EXOC4: variants seen among roughly 807,000 people sequenced by gnomAD.
EXOC4 encodes the protein exocyst complex component 4.
A neutral mutation model predicts 107.2 loss-of-function variants in EXOC4; 71 were observed. The observed-to-expected ratio is 0.66, with a 90% CI of 0.55 to 0.81. The LOEUF is 0.81. EXOC4 is among the 30% of genes least tolerant of loss of function. The pLI is 0.00. For synonymous variants in EXOC4, 456 were observed against 441.2 expected, an observed-to-expected ratio of 1.03 and a Z score of -0.42; for missense variants, 1,108 against 1,189.6, an observed-to-expected ratio of 0.93 and a Z score of 1.01.
At chr7:133,355,945 T>C (rs1312926815) in intron 5 of EXOC4, among the ~76,000 whole-genome samples, 1 of 152,180 alleles carries the variant, frequency 6.6e-6, no homozygotes, top group African/African-American at 2.4e-5. Flanking sequence ...AACTAACAAA[T>C]ACAAACCTGA....
chr7:133,661,167 G>T (rs1803430829), intron 10 of EXOC4, among the ~76,000 whole-genome samples: 1 of 152,092 alleles, frequency 6.6e-6, no homozygotes, highest in Non-Finnish European at 1.5e-5. Context: ...GGTAAAGGAT[G>T]GGAACCTACC....
intron 11 of EXOC4, among the ~76,000 whole-genome samples, chr7:133,874,245 G>A (rs1313961165): frequency 6.6e-6 from 1 of 152,184 alleles, no homozygotes; most frequent in Non-Finnish European, 1.5e-5. Flanking sequence ...TCTCCTGTTG[G>A]CTAGCTATTT....
chr7:133,597,110 G>A (rs1308803176), intron 9 of EXOC4, among the ~76,000 whole-genome samples: 1 of 152,124 alleles, frequency 6.6e-6, no homozygotes, highest in Non-Finnish European at 1.5e-5. Flanking sequence ...CATGTCACTG[G>A]AGCAGCCCCC....
At position 133,423,316 on chromosome 7, in the gene EXOC4, T is replaced by C. The variant is rs182531808; in HGVS notation, c.1182+48314T>C. 1.7e-3 allele frequency among the ~76,000 whole-genome samples: 255 copies of C among 152,306 alleles called. 1 individual carries two copies. Among genetic ancestry groups the C allele is most frequent in the African/African-American group, 5.7e-3 (237 of 41,544 alleles). The stretch of plus-strand genomic sequence containing the variant: ...TTCTTTGTGAGAATTCTTCTAGAGA[T>C]TAATTCTAGAATTCTTCTAGAGACT... On this transcript the variant is annotated intron_variant, in intron 7 of 17. Coordinates refer to ENST00000253861, the MANE Select transcript of EXOC4 (RefSeq NM_021807.4).
At chr7:133,652,667 G>T (rs1302062601) in intron 10 of EXOC4, among the ~76,000 whole-genome samples, 1 of 152,146 alleles carries the variant, frequency 6.6e-6, no homozygotes, top group Non-Finnish European at 1.5e-5. Flanking sequence ...GGGTGGCTGG[G>T]AAGAGAGAAG....
chr7:133,348,657 A>C (rs924432169), intron 5 of EXOC4, among the ~76,000 whole-genome samples: 1 of 152,152 alleles, frequency 6.6e-6, no homozygotes, highest in African/African-American at 2.4e-5. Context: ...GTCCCCAAAC[A>C]TGCTGAATTT....
chr7:133,879,542 C>A (rs1798920726), intron 11 of EXOC4, among the ~76,000 whole-genome samples: 1 of 152,036 alleles, frequency 6.6e-6, no homozygotes, highest in Non-Finnish European at 1.5e-5. Context: ...ATTTCAAAGA[C>A]AATTTTGTTT....
chr7:133,866,397 T>C (rs1407916581), intron 11 of EXOC4, among the ~76,000 whole-genome samples: 1 of 152,054 alleles, frequency 6.6e-6, no homozygotes, highest in East Asian at 1.9e-4. Flanking sequence ...TATGAGATGT[T>C]TGGGGGCAGG....
rs147935448 is a variant in EXOC4, at chr7:134,004,978, G to A, written c.2415G>A (p.Val805=). ...KEGNYAIVAN[V]ESMDYDPLVV... The stretch of plus-strand genomic sequence containing the variant: ...GGAACTATGCCATTGTGGCTAATGT[G>A]GAAAGTATGGATTATGACCCCCTGG... Residue 805 remains valine, a synonymous_variant, in exon 16 of 18, where the codon GTG becomes GTA. Coordinates refer to ENST00000253861, the MANE Select transcript of EXOC4 (RefSeq NM_021807.4). 1 of 1,613,454 alleles carries A rather than the reference G, an allele frequency of 6.2e-7. No individual in the cohort carries two copies. The highest frequency in any genetic ancestry group is 1.3e-5 in the African/African-American group (1 of 74,870).
intron 7 of EXOC4, among the ~76,000 whole-genome samples, chr7:133,393,722 C>G (rs1204349320): frequency 6.6e-6 from 1 of 152,178 alleles, no homozygotes; most frequent in Admixed American, 6.5e-5. Flanking sequence ...GGGTCCTCAC[C>G]AGACATTAAA....
At chr7:133,469,308 C>T (rs967484178) in intron 7 of EXOC4, among the ~76,000 whole-genome samples, 2 of 151,990 alleles carry the variant, frequency 1.3e-5, no homozygotes, top group African/African-American at 4.8e-5. Flanking sequence ...CCCTGCCACT[C>T]GGGAGAGTGA....
At chr7:133,530,122 G>T (rs555396490) in intron 9 of EXOC4, among the ~76,000 whole-genome samples, 9 of 152,298 alleles carry the variant, frequency 5.9e-5, no homozygotes, top group Non-Finnish European at 8.8e-5. Context: ...CAGAGCTCAG[G>T]CTCTCAATCA....
chr7:133,321,837 C>T (rs1795119240), intron 5 of EXOC4, among the ~76,000 whole-genome samples: 1 of 152,194 alleles, frequency 6.6e-6, no homozygotes. Context: ...TACACTCCCA[C>T]CAACAGTGTA....
chr7:133,590,181 A>G (rs746024541), intron 9 of EXOC4, among the ~76,000 whole-genome samples: 1 of 152,160 alleles, frequency 6.6e-6, no homozygotes, highest in African/African-American at 2.4e-5. Context: ...CGTTGTGGGC[A>G]TGCTCAGGCA....
intron 10 of EXOC4, among the ~76,000 whole-genome samples, chr7:133,794,199 A>G (rs1796766293): frequency 6.6e-6 from 1 of 152,182 alleles, no homozygotes; most frequent in Non-Finnish European, 1.5e-5. Flanking sequence ...ATCCTCTGTG[A>G]TGCTTCTCGT....
intron 7 of EXOC4, among the ~76,000 whole-genome samples, chr7:133,429,963 A>T (rs1390066931): frequency 6.6e-6 from 1 of 152,188 alleles, no homozygotes; most frequent in South Asian, 2.1e-4. Context: ...CTCCAGCCCC[A>T]TGGCAGTGTC....
chr7:133,903,839 A>G, intron 12 of EXOC4, among the ~76,000 whole-genome samples: 1 of 152,222 alleles, frequency 6.6e-6, no homozygotes, highest in East Asian at 1.9e-4. Context: ...TTGCAAGATG[A>G]CGAGAAACCA....
intron 10 of EXOC4, among the ~76,000 whole-genome samples, chr7:133,757,648 T>G (rs920993166): frequency 1.3e-5 from 2 of 152,256 alleles, no homozygotes; most frequent in African/African-American, 4.8e-5. Context: ...CTTGCAATAC[T>G]GCAGGACTGG....
chr7:133,492,558 A>T (rs764665451), intron 9 of EXOC4, among the ~76,000 whole-genome samples: 4 of 152,164 alleles, frequency 2.6e-5, no homozygotes, highest in African/African-American at 9.7e-5. Flanking sequence ...GATTACTCAT[A>T]ACCATTCCTC....
Sources: allele counts gnomAD v4.1 joint callset (sites outside exome capture counted in the v4.1 genomes callset), GRCh38; gene constraint gnomAD v4.1.1; transcripts MANE v1.5; gene names NCBI Gene and HGNC (gene_info 2026-07-23, HGNC 2026-07-21).